Variants in FUT8 observed in about 807,000 individuals in gnomAD.
FUT8 encodes alpha-(1,6)-fucosyltransferase.
In FUT8, 29 loss-of-function variants were observed where a neutral mutation model predicts 71.3. The ratio of observed to expected loss-of-function variants is 0.41; its 90% confidence interval spans 0.30 to 0.55. The LOEUF is 0.55. Among genes scored for constraint, FUT8 ranks in the 20% least tolerant of loss-of-function variants. The pLI, the probability that FUT8 is intolerant of heterozygous loss-of-function variation, is 0.34. For missense variants in FUT8, 544 were observed against 702.1 expected (o/e 0.77, Z 2.55); for synonymous variants, 254 against 239.3 (o/e 1.06, Z -0.57).
chr14:65,648,196 G>T (rs776820793), intron 6 of FUT8, among the ~76,000 whole-genome samples: 6 of 152,186 alleles, frequency 3.9e-5, no homozygotes, highest in Non-Finnish European at 7.3e-5. Flanking sequence ...TGTACAGCCT[G>T]CAAAGCCAAA....
At chr14:65,646,053 AT>A (rs2140309412) in intron 6 of FUT8, 1 of 152,362 alleles carries the variant, frequency 6.6e-6, no homozygotes, top group Admixed American at 6.5e-5. Flanking sequence ...AGAGACAGAT[AT>A]CTTAACTTAT....
chr14:65,473,482 T>TA lies in FUT8; in HGVS notation c.-228+17765dup, dbSNP rs140870248. On this transcript the variant is annotated intron_variant, in intron 2 of 10. Transcript: ENST00000673929. Reference sequence around the variant, plus strand: ...AATTAGAAAACAATGCTTTTGGACTTACATTGCCACGGCAGTTTACACAGT... The same window carrying TA: ...AATTAGAAAACAATGCTTTTGGACTTAACATTGCCACGGCAGTTTACACAGT... 6.0e-3 allele frequency among the ~76,000 whole-genome samples: 915 copies of TA among 152,322 alleles called. 10 individuals carry two copies. The highest frequency in any genetic ancestry group is 0.035 in the East Asian group (184 of 5,186).
intron 3 of FUT8, among the ~76,000 whole-genome samples, chr14:65,592,118 C>T (rs1887724159): frequency 6.6e-6 from 1 of 152,006 alleles, no homozygotes; most frequent in South Asian, 2.1e-4. Flanking sequence ...GCTGTATATA[C>T]AATTGTTTTT....
intron 1 of FUT8, among the ~76,000 whole-genome samples, chr14:65,432,573 T>C (rs1407575471): frequency 2.0e-5 from 3 of 152,088 alleles, no homozygotes; most frequent in Non-Finnish European, 4.4e-5. Context: ...CTGGGCTGCA[T>C]TCCCAGACAG....
intron 3 of FUT8, among the ~76,000 whole-genome samples, chr14:65,609,066 G>C (rs1032629084): frequency 5.3e-5 from 8 of 151,752 alleles, no homozygotes; most frequent in South Asian, 4.2e-4. Context: ...AAGCCAAGGC[G>C]GGTGGATCAC....
At chr14:65,364,322 G>A in the FUT8 span, among the ~76,000 whole-genome samples, 3 of 151,798 alleles carry the variant, frequency 2.0e-5, no homozygotes, top group East Asian at 1.9e-4. Flanking sequence ...CTCTTGTCTC[G>A]ACTCCCAAGT....
chr14:65,641,139 G>A (rs1400098949), intron 6 of FUT8, among the ~76,000 whole-genome samples: 2 of 152,240 alleles, frequency 1.3e-5, no homozygotes, highest in Admixed American at 6.5e-5. Flanking sequence ...TTAACACTCT[G>A]AAGTGTGCTC....
chr14:65,381,131 A>G, the FUT8 span, among the ~76,000 whole-genome samples: 1 of 152,230 alleles, frequency 6.6e-6, no homozygotes, highest in Non-Finnish European at 1.5e-5. Context: ...CTAAATATTT[A>G]TTGATTGCCG....
At chr14:65,626,347 T>C (rs1446593887) in intron 5 of FUT8, among the ~76,000 whole-genome samples, 1 of 152,194 alleles carries the variant, frequency 6.6e-6, no homozygotes, top group Non-Finnish European at 1.5e-5. Context: ...GGACACAAAA[T>C]TAGTAGGAGA....
rs1020492899 is a variant in FUT8 at position 65,427,766 on chromosome 14, T to G, written c.-326+14552T>G. Reference sequence around the variant, plus strand: ...TAAATTTATATAGTTGTGCAACAATTATCACAATCCAGTTTTAGAAAACTT... The same window carrying G: ...TAAATTTATATAGTTGTGCAACAATGATCACAATCCAGTTTTAGAAAACTT... On this transcript the variant is annotated intron_variant, in intron 1 of 10. Coordinates refer to ENST00000673929, the MANE Select transcript of FUT8 (RefSeq NM_001371533.1). Among the ~76,000 whole-genome samples the G allele has an allele frequency of 6.6e-5, 10 of 152,364 alleles. No individual in the cohort carries two copies. The East Asian group carries it at 7.7e-4, about 12-fold the overall frequency.
upstream of FUT8, among the ~76,000 whole-genome samples, chr14:65,406,990 CCTT>C (rs772492992): frequency 1.3e-5 from 2 of 152,108 alleles, no homozygotes; most frequent in Non-Finnish European, 2.9e-5. Context: ...TGTGGTGTCC[CCTT>C]CTTAATTCAG....
chr14:65,557,904 A>G (rs146481831), intron 2 of FUT8, among the ~76,000 whole-genome samples: 104 of 152,310 alleles, frequency 6.8e-4, no homozygotes, highest in Non-Finnish European at 1.1e-3. Flanking sequence ...TAATACTTTC[A>G]CAAATAAGTT....
chr14:65,434,427 C>T (rs998821372), intron 1 of FUT8, among the ~76,000 whole-genome samples: 2 of 152,210 alleles, frequency 1.3e-5, no homozygotes, highest in Non-Finnish European at 2.9e-5. Context: ...GGGGAATTGT[C>T]GTTGACATTA....
At position 65,472,483 on chromosome 14, in the gene FUT8, T is replaced by G. The variant is rs2066162974; in HGVS notation, c.-228+16765T>G. On this transcript the variant is annotated intron_variant, in intron 2 of 10. Transcript: ENST00000673929. This position sits in a 1 kb window ranked among gnomAD's most constrained non-coding sequence, Gnocchi z 4.4. The stretch of plus-strand genomic sequence containing the variant: ...GACTCAGGCTATTTACTATTCTGTT[T>G]TCAAGTATAGATTGAGGGCAACAGC... 6.6e-6 allele frequency among the ~76,000 whole-genome samples: 1 copy of G among 152,180 alleles called. No individual in the cohort carries two copies. Among genetic ancestry groups the G allele is most frequent in the African/African-American group, 2.4e-5 (1 of 41,440 alleles).
chr14:65,491,908 T>C (rs543864033), intron 2 of FUT8, among the ~76,000 whole-genome samples: 1 of 152,294 alleles, frequency 6.6e-6, no homozygotes, highest in East Asian at 1.9e-4. Flanking sequence ...CCCCACTGGT[T>C]CTCTCTTAAG....
At chr14:65,670,344 G>T (rs997086962) in intron 7 of FUT8, among the ~76,000 whole-genome samples, 1 of 152,058 alleles carries the variant, frequency 6.6e-6, no homozygotes, top group Non-Finnish European at 1.5e-5. Context: ...AAAATGAAGA[G>T]TAATCACTTT....
chr14:65,426,867 CT>C (rs1020744339), intron 1 of FUT8, among the ~76,000 whole-genome samples: 1 of 151,030 alleles, frequency 6.6e-6, no homozygotes, highest in Admixed American at 6.6e-5. Flanking sequence ...CATTTTCTTT[CT>C]TTTTTTTTGA....
the FUT8 span, among the ~76,000 whole-genome samples, chr14:65,361,391 T>C: frequency 6.8e-6 from 1 of 147,464 alleles, no homozygotes; most frequent in Admixed American, 6.7e-5. Flanking sequence ...AATGTAAGGA[T>C]CTACTAGAGA....
chr14:65,617,325 A>C, intron 5 of FUT8: 1 of 993,410 alleles, frequency 1.0e-6, no homozygotes, highest in Non-Finnish European at 1.4e-6. Context: ...AATCTACAGA[A>C]ATATGATAGC....
Sources: allele counts gnomAD v4.1 joint callset (sites outside exome capture counted in the v4.1 genomes callset), GRCh38; gene constraint gnomAD v4.1.1; non-coding constraint Gnocchi (gnomAD v3.1); transcripts MANE v1.5; gene names NCBI Gene and HGNC (gene_info 2026-07-23, HGNC 2026-07-21).